PHLPP2: variants seen among roughly 807,000 people sequenced by gnomAD.
The protein encoded by PHLPP2 is PH domain leucine-rich repeat-containing protein phosphatase 2.
PHLPP2 carries 66 observed loss-of-function variants against 124.9 expected under a neutral mutation model. That is an observed-to-expected ratio of 0.53 (90% CI 0.43 to 0.65). The LOEUF is 0.65. Among genes scored for constraint, PHLPP2 ranks in the 30% least tolerant of loss-of-function variants. The probability of loss-of-function intolerance (pLI) is 0.00; values close to 1 mark genes in which losing one functional copy is unlikely to be tolerated. For missense variants in PHLPP2, 1,685 were observed against 1,600.4 expected (o/e 1.05, Z -0.90); for synonymous variants, 681 against 624.7 (o/e 1.09, Z -1.34).
At chr16:71,660,877 C>G (rs2044783487) in intron 13 of PHLPP2, among the ~76,000 whole-genome samples, 1 of 151,962 alleles carries the variant, frequency 6.6e-6, no homozygotes, top group Non-Finnish European at 1.5e-5. Flanking sequence ...GAAAATAGTT[C>G]AAAAGAAACA....
At chr16:71,715,803 C>A (rs1042234634) in intron 1 of PHLPP2, among the ~76,000 whole-genome samples, 1 of 147,814 alleles carries the variant, frequency 6.8e-6, no homozygotes, top group Non-Finnish European at 1.5e-5. Context: ...CATGGTAAAG[C>A]CCCATCTCCA....
chr16:71,670,752 A>C (rs2044885691), intron 10 of PHLPP2, among the ~76,000 whole-genome samples: 1 of 136,936 alleles, frequency 7.3e-6, no homozygotes, highest in Non-Finnish European at 1.6e-5. Flanking sequence ...GGGAGAGAGG[A>C]GGACAATAAT....
intron 10 of PHLPP2, among the ~76,000 whole-genome samples, chr16:71,670,226 G>C (rs1016855635): frequency 1.3e-5 from 2 of 152,200 alleles, no homozygotes; most frequent in African/African-American, 2.4e-5. Flanking sequence ...GCACCCGGAG[G>C]AGACGGCCTG....
rs902945011 is a variant in PHLPP2, at chr16:71,717,455, T to C, written c.-6-2654A>G. Among the ~76,000 whole-genome samples, 4 of 152,344 alleles carry C rather than the reference T, an allele frequency of 2.6e-5. No homozygotes were observed. In the East Asian group the frequency reaches 7.7e-4, roughly 29 times the overall value. On this transcript the variant is annotated intron_variant, in intron 1 of 18. Transcript: ENST00000568954. ...ATTATTGAATCTAACTTTAGAGAAG[T>C]AGGATAAATCCCTGCTACAAGTGAG...
chr16:71,700,870 A>G (rs2045225853), intron 3 of PHLPP2, among the ~76,000 whole-genome samples: 1 of 152,138 alleles, frequency 6.6e-6, no homozygotes, highest in Non-Finnish European at 1.5e-5. Context: ...AGTAAAGGTG[A>G]CTTACAAAGC....
At chr16:71,659,373 T>A (rs937998327) in intron 13 of PHLPP2, among the ~76,000 whole-genome samples, 1 of 150,670 alleles carries the variant, frequency 6.6e-6, no homozygotes, top group African/African-American at 2.4e-5. Context: ...TGCCTCAGCC[T>A]CCCGAGTAGC....
intron 3 of PHLPP2, among the ~76,000 whole-genome samples, chr16:71,693,734 T>A (rs1382394488): frequency 2.0e-5 from 3 of 152,234 alleles, no homozygotes; most frequent in Non-Finnish European, 4.4e-5. Flanking sequence ...ACGGCTGCCT[T>A]CTTTTTCATT....
chr16:71,688,362 C>A (rs1343184766), intron 4 of PHLPP2, among the ~76,000 whole-genome samples: 23 of 152,146 alleles, frequency 1.5e-4, no homozygotes, highest in Admixed American at 1.5e-3. Flanking sequence ...TAGAGTTTAA[C>A]CACTTAAGTT....
chr16:71,717,535 G>C (rs2045371098), intron 1 of PHLPP2, among the ~76,000 whole-genome samples: 1 of 152,126 alleles, frequency 6.6e-6, no homozygotes, highest in Admixed American at 6.5e-5. Context: ...CAGAATGAAA[G>C]GGCTTTCAAG....
chr16:71,670,722 G>A (rs892172671), intron 10 of PHLPP2, among the ~76,000 whole-genome samples: 18 of 14,200 alleles, frequency 1.3e-3, no homozygotes, highest in African/African-American at 1.1e-3. Flanking sequence ...ACACACACAC[G>A]AGAGGAGGGG....
Position 71,688,758 on chromosome 16 carries a change from A to G in PHLPP2, c.609+1761T>C, listed in dbSNP as rs3751816. 9.2e-4 allele frequency among the ~76,000 whole-genome samples: 139 copies of G among 151,790 alleles called. 2 individuals carry two copies. The East Asian group carries it at 0.025, about 27-fold the overall frequency. On this transcript the variant is annotated intron_variant, in intron 4 of 18. Coordinates refer to ENST00000568954, the MANE Select transcript of PHLPP2 (RefSeq NM_015020.3). ...TCATTCACTCTTTCCCTCTCAAGCA[A>G]CTCTACTTACTTTCTTCACTTTGTC...
intron 2 of PHLPP2, among the ~76,000 whole-genome samples, chr16:71,704,274 C>T (rs2045257032): frequency 6.9e-6 from 1 of 145,656 alleles, no homozygotes; most frequent in African/African-American, 2.6e-5. Context: ...GGTGCCACCG[C>T]ACTCCAGCCT....
At chr16:71,718,163 G>C (rs1446675883) in intron 1 of PHLPP2, among the ~76,000 whole-genome samples, 2 of 152,108 alleles carry the variant, frequency 1.3e-5, no homozygotes, top group African/African-American at 2.4e-5. Flanking sequence ...AAAGTGCTGG[G>C]ATTACAAGCA....
intron 2 of PHLPP2, among the ~76,000 whole-genome samples, chr16:71,708,549 G>A (rs1381107264): frequency 1.3e-5 from 2 of 152,152 alleles, no homozygotes; most frequent in Non-Finnish European, 1.5e-5. Context: ...CCTGTTTGGT[G>A]GTCTCTTCGC....
intron 2 of PHLPP2, among the ~76,000 whole-genome samples, chr16:71,707,780 G>GT (rs1314079843): frequency 1.3e-5 from 2 of 152,182 alleles, no homozygotes; most frequent in Non-Finnish European, 1.5e-5. Flanking sequence ...AACTGTAATT[G>GT]TAAGTATAGC....
intron 1 of PHLPP2, among the ~76,000 whole-genome samples, chr16:71,716,274 T>C (rs528600407): frequency 1.3e-5 from 2 of 152,312 alleles, no homozygotes; most frequent in South Asian, 4.1e-4. Context: ...TTTTTGTACA[T>C]GTCTCCTTAT....
intron 4 of PHLPP2, among the ~76,000 whole-genome samples, chr16:71,689,736 A>G (rs2045090371): frequency 6.6e-6 from 1 of 151,154 alleles, no homozygotes; most frequent in Non-Finnish European, 1.5e-5. Context: ...GCTGGTTTCA[A>G]ACTCCTGGCC....
At chr16:71,710,537 A>G (rs545584411) in intron 2 of PHLPP2, among the ~76,000 whole-genome samples, 1 of 152,352 alleles carries the variant, frequency 6.6e-6, no homozygotes, top group Admixed American at 6.5e-5. Flanking sequence ...TAAGACTTGC[A>G]TGATTTCAGA....
chr16:71,717,923 G>A (rs995963668), intron 1 of PHLPP2, among the ~76,000 whole-genome samples: 4 of 152,056 alleles, frequency 2.6e-5, no homozygotes, highest in Non-Finnish European at 4.4e-5. Flanking sequence ...ACACGATCTC[G>A]CTCTGTCACC....
Sources: gnomAD v4.1 joint callset for allele counts (sites outside exome capture counted in the v4.1 genomes callset) on GRCh38, gnomAD v4.1.1 for gene constraint, MANE v1.5 for transcripts, NCBI Gene and HGNC (gene_info 2026-07-23, HGNC 2026-07-21) for gene names.